Variants in RABGAP1L observed in about 807,000 individuals in gnomAD.
RABGAP1L encodes RAB GTPase activating protein 1 like, also known as rab GTPase-activating protein 1-like.
Under a neutral mutation model 137.7 loss-of-function variants are expected in RABGAP1L, and 63 were observed. The ratio of observed to expected loss-of-function variants is 0.46; its 90% CI spans 0.37 to 0.56. The LOEUF (loss-of-function observed/expected upper bound fraction) is 0.56, where lower values mean the gene tolerates loss of function less well. RABGAP1L is among the 20% of genes least tolerant of loss of function. The pLI, the probability that RABGAP1L is intolerant of heterozygous loss-of-function variation, is 0.00. For synonymous variants in RABGAP1L, 431 were observed against 433.7 expected (o/e 0.99, Z 0.08); for missense variants, 1,095 against 1,244.0 (o/e 0.88, Z 1.80).
At chr1:174,383,584 G>C (rs894816144) in intron 12 of RABGAP1L, among the ~76,000 whole-genome samples, 16 of 151,124 alleles carry the variant, frequency 1.1e-4, no homozygotes, top group East Asian at 3.9e-4. Context: ...TTCTTTGACT[G>C]GGAAAGGGAA....
At chr1:174,647,074 C>A (rs1010480609) in intron 14 of RABGAP1L, among the ~76,000 whole-genome samples, 4 of 152,162 alleles carry the variant, frequency 2.6e-5, no homozygotes, top group African/African-American at 9.7e-5. Flanking sequence ...TGAGACTTTG[C>A]TGAAGGTGCT....
At chr1:174,820,923 G>A (rs562572163) in intron 19 of RABGAP1L, among the ~76,000 whole-genome samples, 30 of 152,040 alleles carry the variant, frequency 2.0e-4, no homozygotes, top group African/African-American at 6.3e-4. Context: ...AGGCTGAGGC[G>A]TGGGAATTGC....
chr1:174,577,264 C>T (rs1668445506), intron 13 of RABGAP1L, among the ~76,000 whole-genome samples: 1 of 113,784 alleles, frequency 8.8e-6, no homozygotes, highest in Admixed American at 9.4e-5. Flanking sequence ...CACACACACA[C>T]ATTGAGAGTC....
At chr1:174,327,982 C>CATATATATATATATAT (rs1558136090) in intron 11 of RABGAP1L, among the ~76,000 whole-genome samples, 5 of 24,758 alleles carry the variant, frequency 2.0e-4, no homozygotes, top group African/African-American at 7.5e-4. Flanking sequence ...TATATATACA[C>CATATATATATATATAT]ACACATATAT....
At chr1:174,855,157 T>A (rs1649089751) in intron 19 of RABGAP1L, among the ~76,000 whole-genome samples, 1 of 152,176 alleles carries the variant, frequency 6.6e-6, no homozygotes. Flanking sequence ...CCTGATTTTA[T>A]ATTAAGTGTA....
At chr1:174,382,812 G>C (rs1316828582) in intron 12 of RABGAP1L, among the ~76,000 whole-genome samples, 11 of 149,044 alleles carry the variant, frequency 7.4e-5, no homozygotes, top group African/African-American at 2.5e-4. Flanking sequence ...TCTCCATCCA[G>C]CTTTGTTCCG....
chr1:174,915,968 A>G (rs757453557), intron 19 of RABGAP1L, among the ~76,000 whole-genome samples: 1 of 152,094 alleles, frequency 6.6e-6, no homozygotes, highest in African/African-American at 2.4e-5. Flanking sequence ...GGTGTCATCT[A>G]ATAAATCTTG....
chr1:174,966,707 G>A (rs1669660119), intron 20 of RABGAP1L, among the ~76,000 whole-genome samples: 1 of 152,200 alleles, frequency 6.6e-6, no homozygotes, highest in African/African-American at 2.4e-5. Flanking sequence ...AGAATCTGAT[G>A]AGTACAAGTT....
intron 13 of RABGAP1L, among the ~76,000 whole-genome samples, chr1:174,511,727 A>G (rs552588226): frequency 9.9e-4 from 151 of 152,054 alleles, no homozygotes; most frequent in African/African-American, 3.4e-3. Flanking sequence ...GGTTCAAGCA[A>G]TTCTCCTGCC....
intron 13 of RABGAP1L, among the ~76,000 whole-genome samples, chr1:174,417,073 A>G (rs751914034): frequency 1.3e-5 from 2 of 152,174 alleles, no homozygotes; most frequent in Non-Finnish European, 2.9e-5. Context: ...GGTTTTTGGC[A>G]TTACTTTCAA....
chr1:174,238,236 G>A (rs1228652016), intron 4 of RABGAP1L, among the ~76,000 whole-genome samples: 2 of 152,256 alleles, frequency 1.3e-5, no homozygotes, highest in East Asian at 1.9e-4. Flanking sequence ...GTAGCTCAGA[G>A]TAATTTGATC....
chr1:174,733,510 C>G (rs1330354367), intron 17 of RABGAP1L, among the ~76,000 whole-genome samples: 1 of 152,250 alleles, frequency 6.6e-6, no homozygotes, highest in African/African-American at 2.4e-5. Flanking sequence ...TAAGCATCTA[C>G]TGCATTGTGA....
At chr1:174,680,305 GA>G (rs911643029) in intron 14 of RABGAP1L, among the ~76,000 whole-genome samples, 49 of 152,292 alleles carry the variant, frequency 3.2e-4, no homozygotes, top group African/African-American at 1.1e-3. Flanking sequence ...GAGCCCTCAT[GA>G]ATTGGATTAG....
In RABGAP1L at chr1:174,780,068, CAATAAATAAATAAATA is replaced by C. The variant is rs367683847; in HGVS notation, c.2211+27750_2211+27765del. ...GAAACAAGAGTGAAACTCCATCTTACAATAAATAAATAAATAAATAAATAAATAAATAAATAAATAA... is the reference window on the plus strand; with the variant it reads ...GAAACAAGAGTGAAACTCCATCTTACAATAAATAAATAAATAAATAAATAA... On this transcript the variant is annotated intron_variant, in intron 18 of 25. Transcript: ENST00000681986. Among the ~76,000 whole-genome samples, 318 of 92,334 alleles carry C rather than the reference CAATAAATAAATAAATA, an allele frequency of 3.4e-3. 5 individuals carry two copies. The highest frequency in any genetic ancestry group is 7.0e-3 in the African/African-American group (244 of 34,772). The allele number at this position is 92,334 out of a possible 152,430, so 60.6% of individuals were successfully genotyped here.
intron 1 of RABGAP1L, among the ~76,000 whole-genome samples, chr1:174,166,228 G>C (rs111871851): frequency 7.3e-5 from 11 of 150,404 alleles, no homozygotes; most frequent in Non-Finnish European, 1.5e-4. Flanking sequence ...AGGAGAGACA[G>C]TGTTTTTTTT....
At chr1:174,437,824 G>A (rs547495126) in intron 13 of RABGAP1L, among the ~76,000 whole-genome samples, 47 of 152,276 alleles carry the variant, frequency 3.1e-4, no homozygotes, top group Non-Finnish European at 5.4e-4. Flanking sequence ...AGAGAGAAAG[G>A]TCGGGTTACC....
At chr1:174,929,155 G>A (rs1663306273) in intron 19 of RABGAP1L, among the ~76,000 whole-genome samples, 1 of 152,014 alleles carries the variant, frequency 6.6e-6, no homozygotes, top group South Asian at 2.1e-4. Flanking sequence ...CATGGCAAAT[G>A]TATACATATG....
intron 13 of RABGAP1L, among the ~76,000 whole-genome samples, chr1:174,498,497 T>C (rs1660946956): frequency 6.6e-6 from 1 of 151,944 alleles, no homozygotes; most frequent in Non-Finnish European, 1.5e-5. Context: ...ATTTTTATTT[T>C]TTATTTTTTA....
chr1:174,916,871 G>A (rs551851202), intron 19 of RABGAP1L, among the ~76,000 whole-genome samples: 1 of 152,162 alleles, frequency 6.6e-6, no homozygotes, highest in Non-Finnish European at 1.5e-5. Flanking sequence ...TAACAAGCAG[G>A]TGTCTTAGTC....
Sources: gnomAD v4.1 joint callset for allele counts (sites outside exome capture counted in the v4.1 genomes callset) on GRCh38, gnomAD v4.1.1 for gene constraint, MANE v1.5 for transcripts, NCBI Gene and HGNC (gene_info 2026-07-23, HGNC 2026-07-21) for gene names.